The following MAD1L1 variants were observed in gnomAD, a reference collection of about 807,000 sequenced individuals.
The protein encoded by MAD1L1 is mitotic arrest deficient 1 like 1.
Under a neutral mutation model 96.9 loss-of-function variants are expected in MAD1L1, and 95 were observed. The observed-to-expected ratio is 0.98, with a 90% CI of 0.83 to 1.16. The LOEUF is 1.16. MAD1L1 is among the 50% of genes most tolerant of loss of function. The pLI is 0.00. For synonymous variants in MAD1L1, 473 were observed against 396.6 expected (o/e 1.19, Z -2.29); for missense variants, 1,007 against 954.4 (o/e 1.06, Z -0.73).
At chr7:2,044,456 C>T (rs376802539) in intron 12 of MAD1L1, among the ~76,000 whole-genome samples, 7 of 152,292 alleles carry the variant, frequency 4.6e-5, no homozygotes, top group South Asian at 4.1e-4. Context: ...AAGGTGGGGA[C>T]GCTGTGAACA....
At chr7:1,818,982 T>C (rs6950455) in intron 18 of MAD1L1, among the ~76,000 whole-genome samples, 96,643 of 151,810 alleles carry the variant, frequency 0.64, 31,605 homozygotes, top group African/African-American at 0.75. Context: ...GTCGACCTGC[T>C]GTGCAGCCCA....
chr7:2,166,765 C>T (rs1235258230), intron 10 of MAD1L1, among the ~76,000 whole-genome samples: 2 of 152,194 alleles, frequency 1.3e-5, no homozygotes, highest in Non-Finnish European at 2.9e-5. Flanking sequence ...GGGAGAATGA[C>T]CTGGGCGGAA....
At chr7:2,215,684 G>A (rs997607891) in intron 9 of MAD1L1, among the ~76,000 whole-genome samples, 7 of 152,148 alleles carry the variant, frequency 4.6e-5, no homozygotes, top group South Asian at 2.1e-4. Context: ...CACCTCATTC[G>A]CCCTGCCAGG....
At position 2,230,008 on chromosome 7, in the gene MAD1L1, C is replaced by G. The variant is rs1270379998; in HGVS notation, c.126G>C (p.Gln42His). ...CCTGCATGCTCTGCTGGTACTGCAT[C>G]TGCAGAGAACCTGGGGCCGAGGTAG... ...DISTSAPGSL[Q>H]MQYQQSMQLE... The change falls in exon 3 of 19, where the codon CAG becomes CAC. Residue 42 changes from glutamine to histidine, a missense_variant. Physicochemically the swap from Gln to His is conservative, Grantham distance 24 (BLOSUM62 0). Transcript: ENST00000265854. 6.2e-7 allele frequency: 1 copy of G among 1,613,332 alleles called. No individual in the cohort carries two copies. The highest frequency in any genetic ancestry group is 2.2e-5 in the East Asian group (1 of 44,890).
chr7:2,007,043 G>T (rs552175642), intron 13 of MAD1L1, among the ~76,000 whole-genome samples: 1 of 152,042 alleles, frequency 6.6e-6, no homozygotes, highest in Admixed American at 6.5e-5. Context: ...AGCCCAGCAG[G>T]CCTGCTGGGT....
At chr7:2,127,189 C>T (rs986823243) in intron 11 of MAD1L1, among the ~76,000 whole-genome samples, 1 of 152,208 alleles carries the variant, frequency 6.6e-6, no homozygotes, top group Non-Finnish European at 1.5e-5. Flanking sequence ...CATGAGCCCA[C>T]GGGCCTTTGC....
chr7:1,936,801 G>A lies in MAD1L1; in HGVS notation c.1693C>T (p.Gln565Ter). The A allele has an allele frequency of 6.3e-7, 1 of 1,593,382 alleles. No individual in the cohort carries two copies. ...QRLREDHSQLQAECERLRGLL... is the reference protein window; with the variant it reads ...QRLREDHSQL ...CCGCGCAGTCGCTCGCACTCCGCCT[G>A]CAGCTGGCTGTGGTCCTCGCGCAGG... The change falls in exon 17 of 19, where the codon CAG (glutamine) becomes TAG (stop). Residue 565 changes from glutamine to a stop codon, truncating the protein, a stop_gained. Transcript: ENST00000265854. LOFTEE classifies it high-confidence loss of function.
At chr7:2,082,108 G>A (rs147889774) in intron 11 of MAD1L1, among the ~76,000 whole-genome samples, 110 of 152,268 alleles carry the variant, frequency 7.2e-4, no homozygotes, top group African/African-American at 2.5e-3. Context: ...GAGGAATAAA[G>A]AACGGAGAAC....
intron 18 of MAD1L1, among the ~76,000 whole-genome samples, chr7:1,856,990 T>C (rs150515308): frequency 6.6e-6 from 1 of 151,956 alleles, no homozygotes; most frequent in African/African-American, 2.4e-5. Flanking sequence ...CTGACTGTGC[T>C]GGACCCTGCT....
At chr7:2,001,345 C>T (rs760411598) in intron 14 of MAD1L1, among the ~76,000 whole-genome samples, 23 of 152,278 alleles carry the variant, frequency 1.5e-4, no homozygotes, top group Non-Finnish European at 3.2e-4. Flanking sequence ...AAGGCCAGGG[C>T]AGCATGGAGG....
intron 18 of MAD1L1, among the ~76,000 whole-genome samples, chr7:1,863,178 C>T (rs1453326938): frequency 6.6e-6 from 1 of 152,274 alleles, no homozygotes; most frequent in Admixed American, 6.5e-5. Flanking sequence ...CGCCTCAGCA[C>T]GGGCTGAAGA....
At chr7:1,835,628 A>G (rs908032260) in intron 18 of MAD1L1, among the ~76,000 whole-genome samples, 1 of 152,212 alleles carries the variant, frequency 6.6e-6, no homozygotes, top group Non-Finnish European at 1.5e-5. Context: ...AAGGGGTCTC[A>G]ATCTAGACCC....
chr7:2,185,592 A>C (rs1338348452), intron 10 of MAD1L1, among the ~76,000 whole-genome samples: 2 of 152,222 alleles, frequency 1.3e-5, no homozygotes, highest in Non-Finnish European at 2.9e-5. Context: ...GCATCTGGCA[A>C]CACAAAGGCA....
chr7:2,225,290 T>G, intron 4 of MAD1L1, 120 bp downstream of exon 4: 1 of 839,940 alleles, frequency 1.2e-6, no homozygotes. Flanking sequence ...GCAGGTACCA[T>G]GCACAGCCCC....
intron 10 of MAD1L1, among the ~76,000 whole-genome samples, chr7:2,188,396 A>G (rs1383963305): frequency 1.3e-5 from 2 of 152,246 alleles, no homozygotes; most frequent in Non-Finnish European, 2.9e-5. Flanking sequence ...AGCAATCTTG[A>G]AAAGTTAGAA....
At chr7:1,875,667 C>T (rs1225378596) in intron 18 of MAD1L1, among the ~76,000 whole-genome samples, 3 of 152,188 alleles carry the variant, frequency 2.0e-5, no homozygotes, top group African/African-American at 4.8e-5. Flanking sequence ...ATAAGGGAAC[C>T]CTGTTTAGTA....
chr7:1,948,142 G>A (rs887193218), intron 16 of MAD1L1, among the ~76,000 whole-genome samples: 2 of 152,140 alleles, frequency 1.3e-5, no homozygotes, highest in Non-Finnish European at 1.5e-5. Context: ...TGCAGGGGGC[G>A]AGGGAGTGGC....
intron 16 of MAD1L1, among the ~76,000 whole-genome samples, chr7:1,952,332 G>A (rs577745996): frequency 6.6e-5 from 10 of 152,238 alleles, no homozygotes; most frequent in South Asian, 6.2e-4. Context: ...GGCCCGGTCC[G>A]GAGTGGGCGC....
At chr7:2,221,088 C>G (rs1037791011) in intron 5 of MAD1L1, 166 of 1,525,382 alleles carry the variant, frequency 1.1e-4, no homozygotes, top group Non-Finnish European at 1.4e-4. Flanking sequence ...GCGGCCACCT[C>G]GGCTTAGACA....
Sources: gnomAD v4.1 joint callset for allele counts (sites outside exome capture counted in the v4.1 genomes callset) on GRCh38, gnomAD v4.1.1 for gene constraint, MANE v1.5 for transcripts, NCBI Gene and HGNC (gene_info 2026-07-23, HGNC 2026-07-21) for gene names.